The following NCKAP1 variants were observed in gnomAD, a reference collection of about 807,000 sequenced individuals.
The protein encoded by NCKAP1 is nck-associated protein 1.
In NCKAP1, 21 loss-of-function variants were observed where a neutral mutation model predicts 151.2. That is an observed-to-expected ratio of 0.14 (90% CI 0.10 to 0.20). The LOEUF is 0.20. NCKAP1 is among the 10% of genes least tolerant of loss of function. NCKAP1 has a pLI of 1.00. For missense variants in NCKAP1, 933 were observed against 1,352.1 expected (o/e 0.69, Z 4.86); for synonymous variants, 484 against 451.8 (o/e 1.07, Z -0.90).
rs1371368372 is a variant in NCKAP1 at position 182,928,837 on chromosome 2, A to C, written c.3016T>G (p.Ser1006Ala). ...ACLLMVFVAV[S>A]LPTLASNVMS... Reference sequence around the variant, plus strand: ...ACATTACTGGCCAGTGTTGGCAAAGAAACTGCCACAAACACCATGAGAAGG... The same window carrying C: ...ACATTACTGGCCAGTGTTGGCAAAGCAACTGCCACAAACACCATGAGAAGG... The change falls in exon 28 of 31, where the codon TCT becomes GCT. Residue 1006 changes from serine (S) to alanine (A), a missense_variant. Ser to Ala is a moderately conservative substitution (Grantham distance 99, BLOSUM62 1). Coordinates refer to ENST00000361354, the MANE Select transcript of NCKAP1 (RefSeq NM_013436.5). The C allele has an allele frequency of 1.9e-6, 3 of 1,612,610 alleles. No individual in the cohort carries two copies. In the East Asian group the frequency reaches 6.7e-5, roughly 36 times the overall value.
Position 182,924,607 on chromosome 2 carries a change from A to G in NCKAP1, c.*1095T>C, listed in dbSNP as rs753613028. On this transcript the variant is annotated 3_prime_UTR_variant, in exon 31 of 31. Transcript: ENST00000361354. The stretch of plus-strand genomic sequence containing the variant: ...TTTCCCTATTCTTTTAAATAACTCT[A>G]TTTGGTTACAGATAAAATGAGCAAG... 6.6e-6 allele frequency: 1 copy of G among 151,996 alleles called. No individual in the cohort carries two copies. The highest frequency in any genetic ancestry group is 1.5e-5 in the Non-Finnish European group (1 of 67,988). The allele number at this position is 151,996 out of a possible 1,614,324, so 9.4% of individuals were successfully genotyped here.
At chr2:182,965,817 T>C (rs903674335) in intron 16 of NCKAP1, among the ~76,000 whole-genome samples, 1 of 152,224 alleles carries the variant, frequency 6.6e-6, no homozygotes, top group Non-Finnish European at 1.5e-5. Context: ...TAATGTTTCA[T>C]GTTCTACCTA....
rs895935932 is a variant in NCKAP1 at position 182,912,681 on chromosome 2, T to C, written c.*13021A>G. On this transcript the variant is annotated 3_prime_UTR_variant, in exon 31 of 31. Coordinates refer to ENST00000361354, the MANE Select transcript of NCKAP1 (RefSeq NM_013436.5). The stretch of plus-strand genomic sequence containing the variant: ...TAAAAATGGAATTTGAATGTTAGAG[T>C]GCAACCTGACAAAATGATTTATTAC... 1 of 152,192 alleles carries C rather than the reference T, an allele frequency of 6.6e-6. No homozygotes were observed. Among genetic ancestry groups the C allele is most frequent in the Non-Finnish European group, 1.5e-5 (1 of 68,038 alleles). 9.4% of individuals were successfully genotyped at this position (152,192 alleles called of 1,614,324 possible).
At chr2:182,932,789 T>C (rs1343796140) in intron 26 of NCKAP1, among the ~76,000 whole-genome samples, 2 of 152,192 alleles carry the variant, frequency 1.3e-5, no homozygotes, top group Admixed American at 6.5e-5. Flanking sequence ...CACATCAGTG[T>C]CTTCTCAAGA....
At chr2:182,965,087 T>C (rs1364705248) in intron 16 of NCKAP1, among the ~76,000 whole-genome samples, 5 of 152,002 alleles carry the variant, frequency 3.3e-5, no homozygotes, top group Admixed American at 1.3e-4. Flanking sequence ...TCACTATAAA[T>C]AGGAAAAAAT....
chr2:182,976,101 A>G (rs967589001), intron 15 of NCKAP1, among the ~76,000 whole-genome samples: 3 of 152,290 alleles, frequency 2.0e-5, no homozygotes, highest in East Asian at 1.9e-4. Context: ...TCAAATGACT[A>G]TATTATCATT....
chr2:183,030,920 G>A (rs1245712301), intron 1 of NCKAP1, among the ~76,000 whole-genome samples: 1 of 152,060 alleles, frequency 6.6e-6, no homozygotes, highest in Non-Finnish European at 1.5e-5. Context: ...CCTGTGTTAT[G>A]ATGTATATTT....
intron 20 of NCKAP1, among the ~76,000 whole-genome samples, chr2:182,956,026 C>CA (rs1697317828): frequency 6.6e-6 from 1 of 152,020 alleles, no homozygotes; most frequent in Non-Finnish European, 1.5e-5. Flanking sequence ...ATTTTCAGTT[C>CA]ACTATTCTTT....
intron 6 of NCKAP1, 141 bp downstream of exon 6, chr2:183,001,812 A>G: frequency 1.5e-6 from 1 of 668,726 alleles, no homozygotes; most frequent in South Asian, 2.0e-5. Flanking sequence ...CCCTGTCTAT[A>G]ATTAGATAAA....
At chr2:183,001,706 T>C (rs1317404742) in intron 6 of NCKAP1, among the ~76,000 whole-genome samples, 2 of 152,152 alleles carry the variant, frequency 1.3e-5, no homozygotes, top group Non-Finnish European at 2.9e-5. Context: ...GTAAATCCTA[T>C]TGTTTAGTGC....
intron 7 of NCKAP1, among the ~76,000 whole-genome samples, chr2:182,995,312 C>T (rs1698247630): frequency 6.6e-6 from 1 of 151,992 alleles, no homozygotes. Context: ...TGTGTGACAC[C>T]TATGTTCATA....
rs887810579 is a variant in NCKAP1, at chr2:182,995,706, C to T, written c.736G>A (p.Asp246Asn). 2.5e-6 allele frequency: 4 copies of T among 1,613,490 alleles called. No homozygotes were observed. Among genetic ancestry groups the T allele is most frequent in the Admixed American group, 1.7e-5 (1 of 59,958 alleles). Residue 246 changes from aspartate (D) to asparagine (N), a missense_variant, in exon 7 of 31, where the codon GAC becomes AAC. Asp to Asn is a conservative substitution (Grantham distance 23). Around this residue, in one of 2 missense-constraint regions of NCKAP1, gnomAD observed 607 missense variants for 795.0 expected, o/e 0.76. Coordinates refer to ENST00000361354, the MANE Select transcript of NCKAP1 (RefSeq NM_013436.5). ...AGAGAAAAATAGAACCATACAGTGT[C>T]GGACTGTGCTGGATTAAGCATTGTA... ...PSTMLNPAQS[D>N]TMPCEYLSLD... is the part of the protein sequence containing the mutation.
At chr2:182,927,984 T>C (rs2105797497) in intron 29 of NCKAP1, 133 bp downstream of exon 29, 1 of 571,528 alleles carries the variant, frequency 1.7e-6, no homozygotes, top group Non-Finnish European at 2.9e-6. Flanking sequence ...AGAAAATAAT[T>C]TGAAAACAAA....
At chr2:182,944,706 C>A (rs1408713816) in intron 23 of NCKAP1, among the ~76,000 whole-genome samples, 1 of 151,880 alleles carries the variant, frequency 6.6e-6, no homozygotes, top group Non-Finnish European at 1.5e-5. Flanking sequence ...AAAACAGGAA[C>A]TAAAATAATT....
rs1354137778 is a variant in NCKAP1, at chr2:182,918,651, C to T, written c.*7051G>A. On this transcript the variant is annotated 3_prime_UTR_variant, in exon 31 of 31. Transcript: ENST00000361354. ...TAAGCTATGTGTATGCAAAGGCATA[C>T]AGAGTGATATCATGGACTTTGGAGA... 4 of 152,236 alleles carry T rather than the reference C, an allele frequency of 2.6e-5. No individual in the cohort carries two copies. The highest frequency in any genetic ancestry group is 6.5e-5 in the Admixed American group (1 of 15,280). 9.4% of individuals were successfully genotyped at this position (152,236 alleles called of 1,614,324 possible). A position where few individuals can be genotyped will look rare whatever the true frequency, so the allele number is the denominator to read the frequency against.
intron 1 of NCKAP1, among the ~76,000 whole-genome samples, chr2:183,027,721 T>G (rs2105897281): frequency 6.6e-6 from 1 of 152,152 alleles, no homozygotes; most frequent in Non-Finnish European, 1.5e-5. Flanking sequence ...CTTTAAGGTT[T>G]CCTACCATAC....
At chr2:182,960,795 A>C (rs1697431178) in intron 18 of NCKAP1, among the ~76,000 whole-genome samples, 1 of 152,216 alleles carries the variant, frequency 6.6e-6, no homozygotes, top group African/African-American at 2.4e-5. Context: ...GTGAACAGGC[A>C]ACCTAAAGAA....
chr2:182,937,678 T>G (rs896341283), intron 24 of NCKAP1, among the ~76,000 whole-genome samples: 4 of 151,962 alleles, frequency 2.6e-5, no homozygotes, highest in African/African-American at 9.7e-5. Flanking sequence ...AAAAAAAAAT[T>G]AATGTAGCAT....
chr2:182,991,888 G>C (rs1458787890), intron 8 of NCKAP1, among the ~76,000 whole-genome samples: 1 of 152,108 alleles, frequency 6.6e-6, no homozygotes, highest in Non-Finnish European at 1.5e-5. Context: ...ATACGTATCA[G>C]GATAATTAAT....
Sources: allele counts gnomAD v4.1 joint callset (sites outside exome capture counted in the v4.1 genomes callset), GRCh38; gene constraint gnomAD v4.1.1; regional missense constraint gnomAD v4.1.1; transcripts MANE v1.5; gene names NCBI Gene and HGNC (gene_info 2026-07-23, HGNC 2026-07-21).